Variants in SERPINA10 observed in about 807,000 individuals in gnomAD.
SERPINA10 encodes the protein serpin family A member 10.
SERPINA10 carries 24 observed loss-of-function variants against 28.0 expected under a neutral mutation model. That is an observed-to-expected ratio of 0.86 (90% confidence interval 0.62 to 1.20). The LOEUF is 1.20. Ranked by LOEUF, SERPINA10 falls within the 50% of genes most tolerant of loss-of-function variation. The probability of loss-of-function intolerance (pLI) is 0.00; values close to 1 mark genes in which losing one functional copy is unlikely to be tolerated. For missense variants in SERPINA10, 521 were observed against 537.7 expected (o/e 0.97, Z 0.31); for synonymous variants, 207 against 203.9 (o/e 1.02, Z -0.13).
Position 94,284,014 on chromosome 14 carries a change from G to C in SERPINA10, c.1286C>G (p.Ser429Cys). ...CCTGCCCAGAAACAGAAGCATTCCA[G>C]AGGTTTCTTCATAGATCATGAAATG... ...PFHFMIYEET[S>C]GMLLFLGRVV... The change falls in exon 5 of 5, where the codon TCT (serine) becomes TGT (cysteine). Residue 429 changes from serine to cysteine, a missense_variant. Transcript: ENST00000261994. 6.2e-7 allele frequency: 1 copy of C among 1,614,132 alleles called. No individual in the cohort carries two copies. Among genetic ancestry groups the C allele is most frequent in the Non-Finnish European group, 8.5e-7 (1 of 1,179,994 alleles).
intron 4 of SERPINA10, among the ~76,000 whole-genome samples, chr14:94,284,481 G>A (rs1325518435): frequency 6.6e-6 from 1 of 152,234 alleles, no homozygotes; most frequent in African/African-American, 2.4e-5. Flanking sequence ...TTCTTGAGCT[G>A]AGCTGGTGCT....
At position 94,290,242 on chromosome 14, in the gene SERPINA10, C is replaced by T. The variant is rs1346348412; in HGVS notation, c.352G>A (p.Gly118Arg). The T allele has an allele frequency of 6.2e-7, 1 of 1,613,982 alleles. No homozygotes were observed. The highest frequency in any genetic ancestry group is 8.5e-7 in the Non-Finnish European group (1 of 1,179,950). The change falls in exon 2 of 5, where the codon GGG becomes AGG. Residue 118 changes from glycine (G) to arginine (R), a missense_variant. Physicochemically the swap from Gly to Arg is moderately radical, Grantham distance 125. Coordinates refer to ENST00000261994, the MANE Select transcript of SERPINA10 (RefSeq NM_001100607.3). ...CTCTTGATCTGGGTTTCAGTCGGCC[C>T]TGTGGCCCCCAGCATCAAGCCTGTC... is the stretch of plus-strand genomic sequence containing the variant. The part of the protein sequence containing the change: ...AMTGLMLGAT[G>R]PTETQIKRGL...
chr14:94,286,869 TATG>T (rs1566718009), intron 3 of SERPINA10, among the ~76,000 whole-genome samples: 1 of 152,192 alleles, frequency 6.6e-6, no homozygotes, highest in Non-Finnish European at 1.5e-5. Flanking sequence ...CTTGAGGGCT[TATG>T]ATGTTTGGGG....
At chr14:94,285,622 T>C (rs937710919) in intron 4 of SERPINA10, among the ~76,000 whole-genome samples, 2 of 151,982 alleles carry the variant, frequency 1.3e-5, no homozygotes, top group African/African-American at 2.4e-5. Flanking sequence ...ATTTGTGGAT[T>C]GGGCAGCTCT....
chr14:94,290,229 G>A lies in SERPINA10; in HGVS notation c.365C>T (p.Thr122Ile). 6.2e-7 allele frequency: 1 copy of A among 1,613,556 alleles called. No individual in the cohort carries two copies. Among genetic ancestry groups the A allele is most frequent in the Non-Finnish European group, 8.5e-7 (1 of 1,179,676 alleles). ...LMLGATGPTE[T>I]QIKRGLHLQA... The stretch of plus-strand genomic sequence containing the variant: ...CAAGTGGAGCCCTCTCTTGATCTGG[G>A]TTTCAGTCGGCCCTGTGGCCCCCAG... The change falls in exon 2 of 5, where the codon ACC (threonine) becomes ATC (isoleucine). Residue 122 changes from threonine to isoleucine, a missense_variant. Physicochemically the swap from Thr to Ile is moderately conservative, Grantham distance 89. Coordinates refer to ENST00000261994, the MANE Select transcript of SERPINA10 (RefSeq NM_001100607.3).
chr14:94,286,385 C>G, intron 3 of SERPINA10, 127 bp from the exon 4 acceptor site: 1 of 1,030,516 alleles, frequency 9.7e-7, no homozygotes, highest in Non-Finnish European at 1.5e-6. Flanking sequence ...CTATGTAGTT[C>G]ATGCCATTCT....
intron 1 of SERPINA10, among the ~76,000 whole-genome samples, chr14:94,291,020 T>C (rs984745070): frequency 1.3e-5 from 2 of 152,158 alleles, no homozygotes; most frequent in Non-Finnish European, 2.9e-5. Flanking sequence ...CTTGATCTGC[T>C]TCATTCACTG....
Position 94,283,517 on chromosome 14 carries a change from C to T in SERPINA10, c.*448G>A. On this transcript the variant is annotated 3_prime_UTR_variant, in exon 5 of 5. Coordinates refer to ENST00000261994, the MANE Select transcript of SERPINA10 (RefSeq NM_001100607.3). Reference sequence around the variant, plus strand: ...CTTGCATTGTCCTGCTCTGTCCCACCCAGGATGTGAATTCTCCCCTTGCCC... The same window carrying T: ...CTTGCATTGTCCTGCTCTGTCCCACTCAGGATGTGAATTCTCCCCTTGCCC... The T allele has an allele frequency of 4.7e-6, 1 of 211,606 alleles. No individual in the cohort carries two copies. The highest frequency in any genetic ancestry group is 9.5e-6 in the Non-Finnish European group (1 of 105,304). 13.1% of individuals were successfully genotyped at this position (211,606 alleles called of 1,614,324 possible).
chr14:94,292,763 A>C, intron 1 of SERPINA10: 1 of 692,884 alleles, frequency 1.4e-6, no homozygotes. Context: ...GTGCTCCTGG[A>C]CTAGGACACC....
intron 1 of SERPINA10, chr14:94,292,736 G>C: frequency 1.4e-6 from 1 of 698,620 alleles, no homozygotes; most frequent in Non-Finnish European, 2.6e-6. Context: ...TTGGAGTCTA[G>C]GCCAGGAGCT....
At chr14:94,289,786 G>T in intron 2 of SERPINA10, 90 bp downstream of exon 2, 2 of 1,325,934 alleles carry the variant, frequency 1.5e-6, no homozygotes, top group Non-Finnish European at 2.2e-6. Flanking sequence ...AAATCACGTA[G>T]CGTTAATCAT....
chr14:94,289,810 G>A (rs2232702), intron 2 of SERPINA10, 66 bp downstream of exon 2: 70 of 1,547,522 alleles, frequency 4.5e-5, no homozygotes, highest in Admixed American at 1.5e-4. Flanking sequence ...CTGGCCTAAC[G>A]AAAGGAAAGG....
chr14:94,286,361 A>AGTCTTTC, intron 3 of SERPINA10, 103 bp from the exon 4 acceptor site: 1 of 1,255,290 alleles, frequency 8.0e-7, no homozygotes, highest in East Asian at 2.3e-5. Flanking sequence ...TCCATTAATG[A>AGTCTTTC]GTCTTTCAGT....
rs1483764994 is a variant in SERPINA10 at position 94,282,483 on chromosome 14, T to C, written c.*1482A>G. 6.6e-6 allele frequency: 1 copy of C among 152,170 alleles called. No individual in the cohort carries two copies. Among genetic ancestry groups the C allele is most frequent in the Non-Finnish European group, 1.5e-5 (1 of 68,030 alleles). 9.4% of individuals were successfully genotyped at this position (152,170 alleles called of 1,614,324 possible). A position where few individuals can be genotyped will look rare whatever the true frequency, so the allele number is the denominator to read the frequency against. On this transcript the variant is annotated 3_prime_UTR_variant, in exon 5 of 5. Coordinates refer to ENST00000261994, the MANE Select transcript of SERPINA10 (RefSeq NM_001100607.3). Reference sequence around the variant, plus strand: ...ATTCTGTTTAACCCCCATGGGTAGCTGTAGTGCATGCTGTTTACCTGGTCC... The same window carrying C: ...ATTCTGTTTAACCCCCATGGGTAGCCGTAGTGCATGCTGTTTACCTGGTCC...
rs1417743985 is a variant in SERPINA10 at position 94,290,407 on chromosome 14, C to T, written c.187G>A (p.Glu63Lys). 6.2e-7 allele frequency: 1 copy of T among 1,614,104 alleles called. No homozygotes were observed. The highest frequency in any genetic ancestry group is 1.1e-5 in the South Asian group (1 of 91,062). Residue 63 changes from glutamate to lysine, a missense_variant, in exon 2 of 5, where the codon GAA (glutamate) becomes AAA (lysine). Coordinates refer to ENST00000261994, the MANE Select transcript of SERPINA10 (RefSeq NM_001100607.3). ...CTGGCCATCAGCCAGGCTTTCTCTTCCTCACTGGCCTTCTCCTCGCTGGCC... is the reference window on the plus strand; with the variant it reads ...CTGGCCATCAGCCAGGCTTTCTCTTTCTCACTGGCCTTCTCCTCGCTGGCC... ...QEASEEKASE[E>K]EKAWLMASRQ...
At chr14:94,291,074 C>T (rs1042188087) in intron 1 of SERPINA10, among the ~76,000 whole-genome samples, 3 of 152,208 alleles carry the variant, frequency 2.0e-5, no homozygotes, top group Non-Finnish European at 1.5e-5. Flanking sequence ...GATGGGTGGC[C>T]GGCCTTGCCC....
At position 94,281,628 on chromosome 14, in the gene SERPINA10, T is replaced by A. The variant is rs1894903689; in HGVS notation, c.*2337A>T. ...CTTGGGAAATCTGAAACTGAGTGTC[T>A]TAGGAACTTCTTAAAGCAAATGTGA... is the stretch of plus-strand genomic sequence containing the variant. On this transcript the variant is annotated 3_prime_UTR_variant, in exon 5 of 5. Transcript: ENST00000261994. 1 of 152,156 alleles carries A rather than the reference T, an allele frequency of 6.6e-6. No homozygotes were observed. Among genetic ancestry groups the A allele is most frequent in the South Asian group, 2.1e-4 (1 of 4,830 alleles). The allele number at this position is 152,156 out of a possible 1,614,324, so 9.4% of individuals were successfully genotyped here. A position where few individuals can be genotyped will look rare whatever the true frequency, so the allele number is the denominator to read the frequency against.
intron 2 of SERPINA10, 36 bp from the exon 3 acceptor site, chr14:94,288,595 C>T: frequency 6.2e-7 from 1 of 1,613,584 alleles, no homozygotes. Context: ...TGCAGAAATT[C>T]CCTCTTTGAA....
chr14:94,290,687 ATGTCTT>A (rs905061051), intron 1 of SERPINA10, 44 bp from the exon 2 acceptor site: 40 of 1,557,360 alleles, frequency 2.6e-5, no homozygotes, highest in Non-Finnish European at 3.4e-5. Context: ...GCCTCCTAAA[ATGTCTT>A]TGTGGATAGT....
Sources: gnomAD v4.1 joint callset for allele counts (sites outside exome capture counted in the v4.1 genomes callset) on GRCh38, gnomAD v4.1.1 for gene constraint, MANE v1.5 for transcripts, NCBI Gene and HGNC (gene_info 2026-07-23, HGNC 2026-07-21) for gene names.